Variants in PDE7A observed in about 807,000 individuals in gnomAD.
The protein encoded by PDE7A is phosphodiesterase 7A.
A neutral mutation model predicts 64.3 loss-of-function variants in PDE7A; 39 were observed. That is an observed-to-expected ratio of 0.61 (90% CI 0.47 to 0.79). The LOEUF (loss-of-function observed/expected upper bound fraction) is 0.79, where lower values mean the gene tolerates loss of function less well. Ranked by LOEUF, PDE7A falls within the 30% of genes least tolerant of loss-of-function variation. PDE7A has a pLI of 0.00. For missense variants in PDE7A, 470 were observed against 582.8 expected (o/e 0.81, Z 1.99); for synonymous variants, 203 against 206.8 (o/e 0.98, Z 0.16).
intron 3 of PDE7A, among the ~76,000 whole-genome samples, chr8:65,767,696 G>C (rs1254989008): frequency 6.6e-6 from 1 of 152,132 alleles, no homozygotes. Flanking sequence ...CTTCCACATA[G>C]CTTAACATGT....
intron 3 of PDE7A, chr8:65,770,999 C>A: frequency 2.9e-6 from 1 of 349,152 alleles, no homozygotes; most frequent in Non-Finnish European, 5.7e-6. Context: ...ATGGCAAATC[C>A]TACTGAAGAT....
Position 65,841,357 on chromosome 8 carries a change from G to A in PDE7A, c.138+14C>T. 6.5e-7 allele frequency: 1 copy of A among 1,527,272 alleles called. No individual in the cohort carries two copies. The highest frequency in any genetic ancestry group is 8.8e-7 in the Non-Finnish European group (1 of 1,139,582). 94.6% of individuals were successfully genotyped at this position (1,527,272 alleles called of 1,614,324 possible). On this transcript the variant is annotated intron_variant, in intron 1 of 12. Coordinates refer to ENST00000401827, the MANE Select transcript of PDE7A (RefSeq NM_001242318.3). ...AGAGAAGCCCTCAAGTGTGGGCCCG[G>A]CGGCGGCGATTACCTGAGAGAGCTG...
At chr8:65,804,103 G>GT (rs1370344746) in intron 1 of PDE7A, among the ~76,000 whole-genome samples, 1 of 152,138 alleles carries the variant, frequency 6.6e-6, no homozygotes, top group Non-Finnish European at 1.5e-5. Flanking sequence ...CATACAATAT[G>GT]TAACCCTCTT....
At chr8:65,820,429 T>C (rs944528260) in intron 1 of PDE7A, among the ~76,000 whole-genome samples, 3 of 152,120 alleles carry the variant, frequency 2.0e-5, no homozygotes, top group Non-Finnish European at 1.5e-5. Context: ...CCCCCAAAGC[T>C]ATAAAATTAA....
At chr8:65,731,477 CATT>C (rs1010002900) in intron 7 of PDE7A, 7 of 152,138 alleles carry the variant, frequency 4.6e-5, no homozygotes, top group Admixed American at 3.3e-4. Flanking sequence ...AATTTAAACT[CATT>C]ATAGAAACAT....
chr8:65,836,919 ACATTCACCC>A (rs1340016574), intron 1 of PDE7A, among the ~76,000 whole-genome samples: 1 of 152,072 alleles, frequency 6.6e-6, no homozygotes, highest in Non-Finnish European at 1.5e-5. Flanking sequence ...TCCTCCCCCT[ACATTCACCC>A]ATTTGTCTAG....
chr8:65,771,008 A>T (rs768532167), intron 3 of PDE7A: 2 of 362,378 alleles, frequency 5.5e-6, no homozygotes, highest in South Asian at 4.3e-5. Flanking sequence ...CCTACTGAAG[A>T]TAAATTTATA....
chr8:65,732,728 T>G (rs75342066), intron 7 of PDE7A, among the ~76,000 whole-genome samples: 9,965 of 152,258 alleles, frequency 0.065, 350 homozygotes, highest in Non-Finnish European at 0.079. Flanking sequence ...GCCCAGGTTG[T>G]TCTCAAACTC....
intron 3 of PDE7A, among the ~76,000 whole-genome samples, chr8:65,767,373 A>G (rs1245274793): frequency 6.6e-6 from 1 of 152,264 alleles, no homozygotes; most frequent in Non-Finnish European, 1.5e-5. Context: ...CAGGTTGAAT[A>G]AAAGTTTTTA....
intron 3 of PDE7A, among the ~76,000 whole-genome samples, chr8:65,770,160 TGTGC>T (rs1387969226): frequency 1.2e-4 from 17 of 138,324 alleles, no homozygotes; most frequent in South Asian, 4.6e-4. Context: ...TGTGTGTGTG[TGTGC>T]CACACCTAAT....
chr8:65,737,106 T>A (rs1018560717), intron 6 of PDE7A, among the ~76,000 whole-genome samples: 9 of 151,966 alleles, frequency 5.9e-5, no homozygotes, highest in Non-Finnish European at 1.2e-4. Flanking sequence ...AGACCCTGTC[T>A]CAAACAAACA....
At chr8:65,744,006 T>C (rs1381490697) in intron 5 of PDE7A, among the ~76,000 whole-genome samples, 1 of 152,182 alleles carries the variant, frequency 6.6e-6, no homozygotes, top group Non-Finnish European at 1.5e-5. Context: ...CCAATGTTTG[T>C]ATTTTTAGTA....
rs556823649 is a variant in PDE7A at position 65,739,743 on chromosome 8, C to T, written c.500-146G>A. On this transcript the variant is annotated intron_variant, in intron 5 of 12. Transcript: ENST00000401827. The stretch of plus-strand genomic sequence containing the variant: ...CTATCAAAAATATGCATCTTCTTAC[C>T]AGTTATGAACTTTATATGTCACATC... 29 of 873,738 alleles carry T rather than the reference C, an allele frequency of 3.3e-5. No homozygotes were observed. The East Asian group carries it at 8.1e-4, about 24-fold the overall frequency. The allele number at this position is 873,738 out of a possible 1,614,324, so 54.1% of individuals were successfully genotyped here.
intron 1 of PDE7A, among the ~76,000 whole-genome samples, chr8:65,822,617 G>C (rs1381297739): frequency 5.9e-5 from 9 of 152,340 alleles, no homozygotes; most frequent in Middle Eastern, 3.4e-3. Flanking sequence ...AGTGGACAAG[G>C]TCAGCTGTGC....
Position 65,841,963 on chromosome 8 carries a change from G to GGCCACC in PDE7A, c.-456_-455insGGTGGC. Reference sequence around the variant, plus strand: ...GGACTCAGGAGCAGCGACCAGCTCGGGCCGCCGCCGCCGCCGCCGCCGCCG... The same window carrying GGCCACC: ...GGACTCAGGAGCAGCGACCAGCTCGGGCCACCGCCGCCGCCGCCGCCGCCGCCGCCG... On this transcript the variant is annotated 5_prime_UTR_variant, in exon 1 of 13. Coordinates refer to ENST00000401827, the MANE Select transcript of PDE7A (RefSeq NM_001242318.3). The GGCCACC allele has an allele frequency of 4.1e-6, 1 of 243,982 alleles. No homozygotes were observed. 15.1% of individuals were successfully genotyped at this position (243,982 alleles called of 1,614,324 possible).
intron 3 of PDE7A, among the ~76,000 whole-genome samples, chr8:65,767,161 A>T (rs1198212128): frequency 6.6e-6 from 1 of 152,220 alleles, no homozygotes; most frequent in Non-Finnish European, 1.5e-5. Context: ...ACACCAACAC[A>T]GGATTGCATG....
rs1290852200 is a variant in PDE7A at position 65,828,129 on chromosome 8, AATAG to A, written c.138+13238_138+13241del. ...AAAAAATAGCTTTGTCGATTTCTGAAATAGATATATTTTCATTGTTTAAAAAAAA... is the reference window on the plus strand; with the variant it reads ...AAAAAATAGCTTTGTCGATTTCTGAAATATATTTTCATTGTTTAAAAAAAA... On this transcript the variant is annotated intron_variant, in intron 1 of 12. Coordinates refer to ENST00000401827, the MANE Select transcript of PDE7A (RefSeq NM_001242318.3). Among the ~76,000 whole-genome samples, 3 of 152,068 alleles carry A rather than the reference AATAG, an allele frequency of 2.0e-5. No homozygotes were observed. In the South Asian group the frequency reaches 6.2e-4, roughly 32 times the overall value.
At chr8:65,805,575 A>G (rs940128974) in intron 1 of PDE7A, among the ~76,000 whole-genome samples, 1 of 152,188 alleles carries the variant, frequency 6.6e-6, no homozygotes, top group Non-Finnish European at 1.5e-5. Flanking sequence ...TGGACTTACC[A>G]TCAATCTTGC....
chr8:65,830,674 C>A (rs1044407860), intron 1 of PDE7A, among the ~76,000 whole-genome samples: 1 of 152,102 alleles, frequency 6.6e-6, no homozygotes, highest in African/African-American at 2.4e-5. Context: ...CTGGACATGA[C>A]TGAACTGATA....
Sources: gnomAD v4.1 joint callset for allele counts (sites outside exome capture counted in the v4.1 genomes callset) on GRCh38, gnomAD v4.1.1 for gene constraint, MANE v1.5 for transcripts, NCBI Gene and HGNC (gene_info 2026-07-23, HGNC 2026-07-21) for gene names.